Variants in EPM2A observed in about 807,000 individuals in gnomAD.
EPM2A encodes laforin.
In EPM2A, 21 loss-of-function variants were observed where a neutral mutation model predicts 26.5. That is an observed-to-expected ratio of 0.79 (90% CI 0.56 to 1.14). The LOEUF is 1.14. EPM2A is among the 50% of genes most tolerant of loss of function. The pLI is 0.00. For synonymous variants in EPM2A, 217 were observed against 177.6 expected (o/e 1.22, Z -1.76); for missense variants, 458 against 440.8 (o/e 1.04, Z -0.35).
At chr6:145,460,131 A>C (rs1582772337) in intron 4 of EPM2A, among the ~76,000 whole-genome samples, 1 of 152,172 alleles carries the variant, frequency 6.6e-6, no homozygotes, top group East Asian at 1.9e-4. Flanking sequence ...CTCAGAGGAG[A>C]TAGGTAAGGA....
chr6:145,678,595 G>C (rs1033532046), intron 2 of EPM2A, among the ~76,000 whole-genome samples: 6 of 152,196 alleles, frequency 3.9e-5, no homozygotes, highest in Non-Finnish European at 8.8e-5. Flanking sequence ...CAAAGGATAT[G>C]AACAGACACT....
At chr6:145,511,332 T>C (rs759202662) in intron 2 of EPM2A, among the ~76,000 whole-genome samples, 1 of 152,138 alleles carries the variant, frequency 6.6e-6, no homozygotes, top group South Asian at 2.1e-4. Flanking sequence ...ATATCCCTAA[T>C]GAACATAGGC....
At chr6:145,456,719 T>C (rs1779267074) in intron 4 of EPM2A, among the ~76,000 whole-genome samples, 1 of 152,194 alleles carries the variant, frequency 6.6e-6, no homozygotes, top group African/African-American at 2.4e-5. Context: ...TTTGGTTTTA[T>C]TTACAAAAAT....
chr6:145,508,989 A>G (rs1433935430), intron 2 of EPM2A, among the ~76,000 whole-genome samples: 2 of 152,218 alleles, frequency 1.3e-5, no homozygotes, highest in Non-Finnish European at 2.9e-5. Flanking sequence ...GCAGAAGAAA[A>G]AAAAATCACA....
chr6:145,646,072 G>A (rs1777438237), intron 2 of EPM2A, among the ~76,000 whole-genome samples: 1 of 152,106 alleles, frequency 6.6e-6, no homozygotes, highest in Admixed American at 6.5e-5. Context: ...CTTATTAAGA[G>A]CATTCACTCC....
chr6:145,494,691 T>C (rs988082475), intron 4 of EPM2A, among the ~76,000 whole-genome samples: 43 of 152,208 alleles, frequency 2.8e-4, no homozygotes, highest in African/African-American at 1.0e-3. Flanking sequence ...GTATCTTTGT[T>C]CCCATTAGTT....
intron 2 of EPM2A, among the ~76,000 whole-genome samples, chr6:145,575,826 C>G (rs1781023308): frequency 6.6e-6 from 1 of 152,158 alleles, no homozygotes; most frequent in African/African-American, 2.4e-5. Flanking sequence ...CTAGAAACCC[C>G]AAAACCAATG....
At chr6:145,595,808 A>T (rs1562396399) in intron 2 of EPM2A, among the ~76,000 whole-genome samples, 1 of 152,080 alleles carries the variant, frequency 6.6e-6, no homozygotes, top group South Asian at 2.1e-4. Flanking sequence ...AGGATTTTAT[A>T]CTTTATTTTT....
At chr6:145,622,614 T>C (rs1449472551), downstream of EPM2A, among the ~76,000 whole-genome samples, 3 of 152,148 alleles carry the variant, frequency 2.0e-5, no homozygotes, top group Non-Finnish European at 4.4e-5. Context: ...GAGAATACCA[T>C]GTGAAGATGA....
intron 4 of EPM2A, among the ~76,000 whole-genome samples, chr6:145,396,920 G>C (rs12204600): frequency 0.11 from 16,880 of 152,176 alleles, 980 homozygotes; most frequent in South Asian, 0.17. Context: ...TACCAGTCAA[G>C]TACTGAAACA....
intron 2 of EPM2A, among the ~76,000 whole-genome samples, chr6:145,547,112 C>T (rs917607451): frequency 3.9e-5 from 6 of 152,144 alleles, no homozygotes; most frequent in Non-Finnish European, 8.8e-5. Context: ...TTCACCTGGA[C>T]TTGCTGACAG....
At chr6:145,727,318 T>G (rs1776260514) in intron 1 of EPM2A, among the ~76,000 whole-genome samples, 1 of 152,124 alleles carries the variant, frequency 6.6e-6, no homozygotes, top group African/African-American at 2.4e-5. Flanking sequence ...TGAATGGAAC[T>G]TCTACAGATG....
At chr6:145,537,635 G>T (rs1185998150) in intron 2 of EPM2A, among the ~76,000 whole-genome samples, 2 of 147,042 alleles carry the variant, frequency 1.4e-5, no homozygotes, top group East Asian at 4.0e-4. Flanking sequence ...TGTAGAATGT[G>T]CATGTACGTT....
At chr6:145,438,469 ATTTTT>A (rs68038397) in intron 4 of EPM2A, among the ~76,000 whole-genome samples, 1 of 117,208 alleles carries the variant, frequency 8.5e-6, no homozygotes, top group Non-Finnish European at 1.7e-5. Context: ...GAAGGGAATA[ATTTTT>A]TTTTTTTTTT....
chr6:145,541,707 G>C (rs1195333842), intron 2 of EPM2A, among the ~76,000 whole-genome samples: 3 of 152,106 alleles, frequency 2.0e-5, no homozygotes, highest in Non-Finnish European at 4.4e-5. Flanking sequence ...TACTTGCAAT[G>C]ATGGCCATAA....
intron 2 of EPM2A, among the ~76,000 whole-genome samples, chr6:145,554,428 A>AT (rs1352817066): frequency 7.3e-6 from 1 of 137,070 alleles, no homozygotes; most frequent in African/African-American, 3.2e-5. Context: ...TAGATGATAG[A>AT]TAGATAGATA....
intron 4 of EPM2A, among the ~76,000 whole-genome samples, chr6:145,400,980 G>GA (rs1435326147): frequency 1.3e-5 from 2 of 151,806 alleles, no homozygotes; most frequent in African/African-American, 2.4e-5. Context: ...CCTGCAGAAT[G>GA]AAAAAAATAT....
chr6:145,696,034 C>G (rs1583071615), intron 1 of EPM2A, among the ~76,000 whole-genome samples: 1 of 152,032 alleles, frequency 6.6e-6, no homozygotes, highest in African/African-American at 2.4e-5. Context: ...AGCCACAAAA[C>G]AAGTCTTTAA....
At chr6:145,668,164 T>TTA (rs1554261131) in intron 2 of EPM2A, among the ~76,000 whole-genome samples, 2 of 146,032 alleles carry the variant, frequency 1.4e-5, no homozygotes, top group African/African-American at 2.6e-5. Context: ...TAAAGTATAA[T>TTA]AAAAAAAAAA....
Sources: allele counts gnomAD v4.1 joint callset (sites outside exome capture counted in the v4.1 genomes callset), GRCh38; gene constraint gnomAD v4.1.1; transcripts MANE v1.5; gene names NCBI Gene and HGNC (gene_info 2026-07-23, HGNC 2026-07-21).